The following TNS3 variants were observed in gnomAD, a reference collection of about 807,000 sequenced individuals.
TNS3 encodes tensin 3.
Under a neutral mutation model 140.9 loss-of-function variants are expected in TNS3, and 45 were observed. The ratio of observed to expected loss-of-function variants is 0.32; its 90% CI spans 0.25 to 0.41. The LOEUF (loss-of-function observed/expected upper bound fraction) is 0.41. TNS3 is among the 10% of genes least tolerant of loss of function. The pLI is 1.00. For synonymous variants in TNS3, 815 were observed against 788.4 expected (o/e 1.03, Z -0.56); for missense variants, 1,716 against 1,906.7 (o/e 0.90, Z 1.86).
intron 24 of TNS3, among the ~76,000 whole-genome samples, chr7:47,294,321 C>T (rs1288253171): frequency 6.6e-6 from 1 of 152,196 alleles, no homozygotes; most frequent in Non-Finnish European, 1.5e-5. Flanking sequence ...TTCCAGAAAG[C>T]AAGCACTCAG....
chr7:47,485,412 C>T (rs984037663), intron 3 of TNS3, among the ~76,000 whole-genome samples: 3 of 152,250 alleles, frequency 2.0e-5, no homozygotes, highest in African/African-American at 2.4e-5. Context: ...GCGCCAGCCA[C>T]GGGAACTCTC....
intron 2 of TNS3, among the ~76,000 whole-genome samples, chr7:47,520,119 C>T (rs961742300): frequency 6.6e-6 from 1 of 151,968 alleles, no homozygotes; most frequent in Non-Finnish European, 1.5e-5. Context: ...GCCACCATGC[C>T]CGGCCGCTCC....
chr7:47,411,631 T>G, intron 13 of TNS3, 96 bp downstream of exon 13: 1 of 1,306,278 alleles, frequency 7.7e-7, no homozygotes, highest in East Asian at 2.6e-5. Context: ...TTTTTGGGGG[T>G]GAGGGTTACT....
At chr7:47,320,606 C>G (rs1216877302) in intron 20 of TNS3, among the ~76,000 whole-genome samples, 2 of 152,232 alleles carry the variant, frequency 1.3e-5, no homozygotes, top group Non-Finnish European at 2.9e-5. Flanking sequence ...GGTCTTCCCT[C>G]TGTGTGTCTG....
At chr7:47,532,089 G>A (rs1799427859) in intron 1 of TNS3, among the ~76,000 whole-genome samples, 1 of 151,698 alleles carries the variant, frequency 6.6e-6, no homozygotes, top group African/African-American at 2.4e-5. Context: ...CATCCCTGCT[G>A]GCTCAGGAGT....
rs764713538 is a variant in TNS3 at position 47,283,792 on chromosome 7, C to G, written c.4002G>C (p.Leu1334=). Residue 1334 remains leucine (L), a synonymous_variant, in exon 28 of 31, where the codon CTG becomes CTC. Coordinates refer to ENST00000311160, the MANE Select transcript of TNS3 (RefSeq NM_022748.12). ...LTGHQAIQKA[L]SITLVQEPPP... is the part of the protein sequence containing the mutation. ...GAGGCTCCTGGACCAGGGTGATGCT[C>G]AGGGCCTTCTGGATCGCCTGGTGGC... 69 of 1,612,658 alleles carry G rather than the reference C, an allele frequency of 4.3e-5. 1 individual carries two copies. The highest frequency in any genetic ancestry group is 5.3e-5 in the Non-Finnish European group (63 of 1,179,356).
intron 1 of TNS3, among the ~76,000 whole-genome samples, chr7:47,532,050 G>A (rs770350096): frequency 2.1e-4 from 27 of 125,750 alleles, no homozygotes; most frequent in Non-Finnish European, 3.6e-4. Flanking sequence ...CTGCACCCTC[G>A]GGCGCATGGG....
At chr7:47,527,630 G>C (rs180955959) in intron 2 of TNS3, among the ~76,000 whole-genome samples, 1 of 152,142 alleles carries the variant, frequency 6.6e-6, no homozygotes, top group South Asian at 2.1e-4. Flanking sequence ...TTGCAAGTAT[G>C]GGCTTAAAAC....
At chr7:47,434,432 C>G (rs1246216438) in intron 8 of TNS3, among the ~76,000 whole-genome samples, 4 of 152,162 alleles carry the variant, frequency 2.6e-5, no homozygotes, top group Admixed American at 2.0e-4. Context: ...GTGACCCCAG[C>G]CCACTGGCTA....
chr7:47,573,428 G>A (rs1220464777), intron 1 of TNS3, among the ~76,000 whole-genome samples: 3 of 152,184 alleles, frequency 2.0e-5, no homozygotes. Flanking sequence ...AAGCGCCATG[G>A]AAAGTTGTCC....
At chr7:47,419,880 A>AC (rs996825896) in intron 10 of TNS3, among the ~76,000 whole-genome samples, 7 of 151,002 alleles carry the variant, frequency 4.6e-5, no homozygotes, top group African/African-American at 9.8e-5. Flanking sequence ...TTCCCTAGCC[A>AC]CCCCCTTCTC....
chr7:47,304,095 ACT>A (rs1786599508), intron 21 of TNS3, among the ~76,000 whole-genome samples: 1 of 152,168 alleles, frequency 6.6e-6, no homozygotes, highest in South Asian at 2.1e-4. Flanking sequence ...CCGTTGGTTC[ACT>A]GTGGGTCCCC....
intron 10 of TNS3, 79 bp downstream of exon 10, chr7:47,424,022 G>A: frequency 1.4e-5 from 20 of 1,397,394 alleles, no homozygotes; most frequent in Middle Eastern, 1.8e-4. Context: ...GGACAGAGGA[G>A]ATGCCTCTTC....
At chr7:47,578,665 G>A (rs1285512939) in intron 1 of TNS3, among the ~76,000 whole-genome samples, 1 of 152,180 alleles carries the variant, frequency 6.6e-6, no homozygotes, top group East Asian at 1.9e-4. Context: ...ACACCCGAGG[G>A]ACCCTGAGCT....
At chr7:47,571,610 G>A (rs760658352) in intron 1 of TNS3, among the ~76,000 whole-genome samples, 10 of 152,242 alleles carry the variant, frequency 6.6e-5, no homozygotes, top group Non-Finnish European at 1.3e-4. Flanking sequence ...AGACAATAGC[G>A]ATCACAGTCG....
chr7:47,330,380 C>T (rs35461644), intron 20 of TNS3, among the ~76,000 whole-genome samples: 1 of 152,206 alleles, frequency 6.6e-6, no homozygotes, highest in Non-Finnish European at 1.5e-5. Context: ...CTCCCTGGAG[C>T]TGAGAGACTG....
At chr7:47,303,731 T>G in intron 21 of TNS3, 147 bp from the exon 22 acceptor site, 1 of 938,444 alleles carries the variant, frequency 1.1e-6, no homozygotes, top group Non-Finnish European at 1.5e-6. Flanking sequence ...TTCCAAAATA[T>G]GTACACTAAG....
chr7:47,401,887 C>T (rs1236411798), intron 13 of TNS3, among the ~76,000 whole-genome samples: 2 of 152,374 alleles, frequency 1.3e-5, no homozygotes, highest in East Asian at 3.9e-4. Flanking sequence ...CTGGATTCTG[C>T]TCTCAGACCA....
chr7:47,520,293 C>T (rs77076334), intron 2 of TNS3, among the ~76,000 whole-genome samples: 3,284 of 152,226 alleles, frequency 0.022, 104 homozygotes, highest in African/African-American at 0.074. Flanking sequence ...CCTTGAACAC[C>T]CAGAGAGTAG....
Sources: gnomAD v4.1 joint callset for allele counts (sites outside exome capture counted in the v4.1 genomes callset) on GRCh38, gnomAD v4.1.1 for gene constraint, MANE v1.5 for transcripts, NCBI Gene and HGNC (gene_info 2026-07-23, HGNC 2026-07-21) for gene names.